PCDHA12: variants seen among roughly 807,000 people sequenced by gnomAD.
PCDHA12 encodes protocadherin alpha-12.
In PCDHA12, 44 loss-of-function variants were observed where a neutral mutation model predicts 60.0. That is an observed-to-expected ratio of 0.73 (90% CI 0.58 to 0.94). The LOEUF is 0.94. Ranked by LOEUF, PCDHA12 falls within the 40% of genes least tolerant of loss-of-function variation. The pLI is 0.00. For synonymous variants in PCDHA12, 569 were observed against 553.0 expected (o/e 1.03, Z -0.40); for missense variants, 1,276 against 1,239.7 (o/e 1.03, Z -0.44).
intron 1 of PCDHA12, among the ~76,000 whole-genome samples, chr5:140,954,881 C>T (rs2095105725): frequency 6.6e-6 from 1 of 152,092 alleles, no homozygotes; most frequent in Non-Finnish European, 1.5e-5. Flanking sequence ...CCTAGCTTTT[C>T]TTCTAGGGTT....
intron 1 of PCDHA12, among the ~76,000 whole-genome samples, chr5:140,946,631 T>TATATATATATATATACACAC (rs57893927): frequency 7.6e-6 from 1 of 131,856 alleles, no homozygotes; most frequent in East Asian, 2.1e-4. Flanking sequence ...TATATATATA[T>TATATATATATATATACACAC]ACAATGGAAT....
intron 1 of PCDHA12, among the ~76,000 whole-genome samples, chr5:140,879,613 T>C (rs2058057940): frequency 6.6e-6 from 1 of 152,200 alleles, no homozygotes; most frequent in Non-Finnish European, 1.5e-5. Context: ...TGTGTCCAGG[T>C]ACTTAGGTGG....
intron 3 of PCDHA12, among the ~76,000 whole-genome samples, chr5:140,993,375 C>T (rs1238667698): frequency 1.3e-5 from 2 of 151,770 alleles, no homozygotes; most frequent in Non-Finnish European, 2.9e-5. Flanking sequence ...ACCTCCCAGC[C>T]GGGTCCCTGA....
intron 3 of PCDHA12, among the ~76,000 whole-genome samples, chr5:140,992,217 C>T (rs1281643880): frequency 6.6e-6 from 1 of 152,088 alleles, no homozygotes; most frequent in Non-Finnish European, 1.5e-5. Flanking sequence ...AACTACTCTC[C>T]CTTCCTGGGA....
At chr5:140,994,817 T>C (rs1362838008) in intron 3 of PCDHA12, among the ~76,000 whole-genome samples, 3 of 152,068 alleles carry the variant, frequency 2.0e-5, no homozygotes, top group African/African-American at 7.2e-5. Context: ...TACAAAAAAC[T>C]GAATTGTGTA....
intron 3 of PCDHA12, among the ~76,000 whole-genome samples, chr5:140,992,848 C>T (rs2097530967): frequency 6.6e-6 from 1 of 152,124 alleles, no homozygotes; most frequent in Non-Finnish European, 1.5e-5. Flanking sequence ...TGTATAACAA[C>T]CAGTTTCACT....
At chr5:140,988,226 G>C (rs1375369387) in intron 3 of PCDHA12, among the ~76,000 whole-genome samples, 2 of 152,154 alleles carry the variant, frequency 1.3e-5, no homozygotes, top group Non-Finnish European at 2.9e-5. Context: ...TGAGATCAGG[G>C]ATCTATGTGA....
At chr5:140,909,470 C>T (rs566835545) in intron 1 of PCDHA12, among the ~76,000 whole-genome samples, 1 of 152,320 alleles carries the variant, frequency 6.6e-6, no homozygotes, top group African/African-American at 2.4e-5. Flanking sequence ...GTCTTCTTCA[C>T]AGGCTAAATA....
At chr5:140,899,251 G>A (rs1322090098) in intron 1 of PCDHA12, among the ~76,000 whole-genome samples, 1 of 152,082 alleles carries the variant, frequency 6.6e-6, no homozygotes, top group Non-Finnish European at 1.5e-5. Flanking sequence ...GTGAGAGAGG[G>A]CATCCCTGTC....
At position 140,875,997 on chromosome 5, in the gene PCDHA12, T is replaced by C; in HGVS notation, c.525T>C (p.Asn175=). The C allele has an allele frequency of 8.1e-6, 13 of 1,613,924 alleles. No homozygotes were observed. Among genetic ancestry groups the C allele is most frequent in the South Asian group, 1.1e-5 (1 of 91,066 alleles). ...TTTTGACCTATGCGTTAAGTCTAAA[T>C]GAGAATTTTGAGCTTAAAATAAAAA... ...NSLLTYALSL[N]ENFELKIKTK... The change falls in exon 1 of 4, where the codon AAT becomes AAC. Residue 175 remains asparagine, a synonymous_variant. Coordinates refer to ENST00000398631, the MANE Select transcript of PCDHA12 (RefSeq NM_018903.4).
intron 1 of PCDHA12, among the ~76,000 whole-genome samples, chr5:140,978,085 C>T (rs1056593415): frequency 2.2e-4 from 33 of 152,186 alleles, no homozygotes; most frequent in African/African-American, 8.0e-4. Flanking sequence ...AGCTTCTAAC[C>T]AGCACATAAC....
chr5:140,969,225 C>G (rs782766938), intron 1 of PCDHA12: 13 of 1,614,118 alleles, frequency 8.1e-6, no homozygotes, highest in Admixed American at 1.7e-5. Flanking sequence ...CCAGGGCCTT[C>G]GGGAGCCCAA....
At chr5:140,896,191 C>T (rs987655303) in intron 1 of PCDHA12, among the ~76,000 whole-genome samples, 1 of 152,184 alleles carries the variant, frequency 6.6e-6, no homozygotes, top group African/African-American at 2.4e-5. Flanking sequence ...GTGAATAGTG[C>T]CATGATGAAC....
intron 1 of PCDHA12, among the ~76,000 whole-genome samples, chr5:140,934,422 A>G (rs2089824417): frequency 1.3e-5 from 2 of 152,176 alleles, no homozygotes; most frequent in South Asian, 2.1e-4. Flanking sequence ...TGCATTATCA[A>G]TGCAAGTGTA....
Position 140,876,207 on chromosome 5 carries a change from C to A in PCDHA12, c.735C>A (p.Pro245=), listed in dbSNP as rs251377. The stretch of plus-strand genomic sequence containing the variant: ...ACAATGGTCCGGCGTTTGATAAGCC[C>A]AGCTATAAAGTAGTGTTGTCTGAAA... The part of the protein sequence containing the change: ...VNDNGPAFDK[P]SYKVVLSENV... The change falls in exon 1 of 4, where the codon CCC becomes CCA. Residue 245 remains proline, a synonymous_variant. Transcript: ENST00000398631. 0.48 allele frequency: 776,282 copies of A among 1,613,510 alleles called. 188,573 individuals are homozygous for A. The highest frequency in any genetic ancestry group is 0.57 in the South Asian group (51,538 of 91,056).
rs34213614 is a variant in PCDHA12 at position 140,896,536 on chromosome 5, C to CTT, written c.2367+18708_2367+18709dup. ...CACACCACAAAGCCCAGCTATTTTT[C>CTT]TTTTTTTTTTTTGTATTTTAAGTAG... On this transcript the variant is annotated intron_variant, in intron 1 of 3. Coordinates refer to ENST00000398631, the MANE Select transcript of PCDHA12 (RefSeq NM_018903.4). 2.9e-3 allele frequency among the ~76,000 whole-genome samples: 427 copies of CTT among 145,644 alleles called. 4 individuals are homozygous for CTT. Among genetic ancestry groups the CTT allele is most frequent in the African/African-American group, 7.7e-3 (305 of 39,602 alleles).
At chr5:140,892,561 A>T (rs766284976) in intron 1 of PCDHA12, among the ~76,000 whole-genome samples, 1 of 152,156 alleles carries the variant, frequency 6.6e-6, no homozygotes, top group Non-Finnish European at 1.5e-5. Context: ...GTCCTTGGAG[A>T]CTGTCAAAAG....
At chr5:140,931,260 T>G (rs576177407) in intron 1 of PCDHA12, among the ~76,000 whole-genome samples, 1 of 152,156 alleles carries the variant, frequency 6.6e-6, no homozygotes, top group South Asian at 2.1e-4. Context: ...GAAATTTCAC[T>G]ATTTATTTCT....
intron 1 of PCDHA12, among the ~76,000 whole-genome samples, chr5:140,891,372 G>A (rs1256551608): frequency 1.3e-5 from 2 of 151,962 alleles, no homozygotes; most frequent in Non-Finnish European, 2.9e-5. Flanking sequence ...AGTATACATT[G>A]CACCATATTT....
Sources: gnomAD v4.1 joint callset for allele counts (sites outside exome capture counted in the v4.1 genomes callset) on GRCh38, gnomAD v4.1.1 for gene constraint, MANE v1.5 for transcripts, NCBI Gene and HGNC (gene_info 2026-07-23, HGNC 2026-07-21) for gene names.